The following ABCD3 variants were observed in gnomAD, a reference collection of about 807,000 sequenced individuals.
ABCD3 encodes the protein ATP binding cassette subfamily D member 3.
A neutral mutation model predicts 105.5 loss-of-function variants in ABCD3; 41 were observed. That is an observed-to-expected ratio of 0.39 (90% CI 0.30 to 0.50). The LOEUF (loss-of-function observed/expected upper bound fraction) is 0.50, where lower values mean the gene tolerates loss of function less well. Ranked by LOEUF, ABCD3 falls within the 20% of genes least tolerant of loss-of-function variation. ABCD3 has a pLI of 0.84. For synonymous variants in ABCD3, 258 were observed against 269.0 expected (o/e 0.96, Z 0.40); for missense variants, 622 against 806.3 (o/e 0.77, Z 2.77).
chr1:94,418,386 C>T, upstream of ABCD3: 13 of 1,162,194 alleles, frequency 1.1e-5, no homozygotes, highest in South Asian at 1.6e-4. Flanking sequence ...CCTCTGCTCT[C>T]CTCCCAGTCT....
intron 2 of ABCD3, among the ~76,000 whole-genome samples, chr1:94,458,868 GT>G (rs1314601228): frequency 6.6e-6 from 1 of 151,742 alleles, no homozygotes; most frequent in Non-Finnish European, 1.5e-5. Flanking sequence ...GATGATATTA[GT>G]TTCCCCCCCT....
At chr1:94,467,815 A>T in intron 3 of ABCD3, 104 bp from the exon 4 acceptor site, 2 of 752,698 alleles carry the variant, frequency 2.7e-6, no homozygotes, top group Non-Finnish European at 4.7e-6. Flanking sequence ...ATTGAAACTT[A>T]CATAAAGCTT....
At chr1:94,427,796 AT>A (rs1352876514) in intron 1 of ABCD3, among the ~76,000 whole-genome samples, 1 of 152,224 alleles carries the variant, frequency 6.6e-6, no homozygotes, top group Non-Finnish European at 1.5e-5. Context: ...TTTTGGAAAG[AT>A]TTTTATGTAA....
chr1:94,501,483 G>T (rs1650099444), intron 20 of ABCD3, among the ~76,000 whole-genome samples: 1 of 152,166 alleles, frequency 6.6e-6, no homozygotes, highest in Admixed American at 6.6e-5. Context: ...ATTAGGTAAA[G>T]ATTATATATG....
At chr1:94,482,392 A>G (rs925641690) in intron 9 of ABCD3, 4 of 152,240 alleles carry the variant, frequency 2.6e-5, no homozygotes, top group Non-Finnish European at 4.4e-5. Context: ...AGACTTCTCT[A>G]TAAATATTTT....
chr1:94,491,585 G>A (rs1416996236), intron 16 of ABCD3, among the ~76,000 whole-genome samples: 12 of 152,062 alleles, frequency 7.9e-5, no homozygotes, highest in Non-Finnish European at 2.9e-5. Context: ...AACTTATGGT[G>A]TGGCTGGTAT....
the ABCD3 span, among the ~76,000 whole-genome samples, chr1:94,395,884 A>G: frequency 6.6e-6 from 1 of 151,944 alleles, no homozygotes; most frequent in African/African-American, 2.4e-5. Flanking sequence ...ACAGACAGAA[A>G]GAGAGAGACA....
intron 1 of ABCD3, among the ~76,000 whole-genome samples, chr1:94,431,622 G>T (rs1659686307): frequency 6.6e-6 from 1 of 152,078 alleles, no homozygotes; most frequent in African/African-American, 2.4e-5. Context: ...AGTACATGGT[G>T]CCATCATGGC....
intron 20 of ABCD3, among the ~76,000 whole-genome samples, chr1:94,500,288 A>AT (rs1557688961): frequency 6.6e-6 from 1 of 152,052 alleles, no homozygotes; most frequent in Non-Finnish European, 1.5e-5. Flanking sequence ...ACAAAAAAAA[A>AT]TTTAAAAATT....
intron 21 of ABCD3, chr1:94,514,929 A>T (rs1337265941): frequency 3.8e-6 from 2 of 530,430 alleles, no homozygotes; most frequent in Non-Finnish European, 6.7e-6. Flanking sequence ...AAAATAATAC[A>T]CTTAATGCCA....
intron 21 of ABCD3, among the ~76,000 whole-genome samples, chr1:94,511,936 A>T (rs1256616943): frequency 3.3e-5 from 5 of 152,060 alleles, no homozygotes; most frequent in African/African-American, 1.2e-4. Flanking sequence ...CTTTGGTTTG[A>T]ATTTCCTCCC....
chr1:94,486,037 C>G (rs1342406692), intron 10 of ABCD3, among the ~76,000 whole-genome samples: 1 of 151,924 alleles, frequency 6.6e-6, no homozygotes, highest in South Asian at 2.1e-4. Context: ...ACTAAAAATA[C>G]AAAAATTAGC....
upstream of ABCD3, among the ~76,000 whole-genome samples, chr1:94,413,786 TA>T (rs991236439): frequency 1.3e-5 from 2 of 152,026 alleles, no homozygotes; most frequent in South Asian, 2.1e-4. Flanking sequence ...GGCAGGTCTC[TA>T]AAAAAAATTT....
At chr1:94,449,684 T>C (rs1660499301) in intron 1 of ABCD3, among the ~76,000 whole-genome samples, 1 of 152,254 alleles carries the variant, frequency 6.6e-6, no homozygotes, top group African/African-American at 2.4e-5. Context: ...GCAGAGGTGC[T>C]GCACAGTGAT....
chr1:94,425,484 T>G (rs1659434807), intron 1 of ABCD3, among the ~76,000 whole-genome samples: 1 of 152,224 alleles, frequency 6.6e-6, no homozygotes, highest in Admixed American at 6.5e-5. Flanking sequence ...TGGATTATAC[T>G]GGTGTATTTT....
At chr1:94,395,804 AGT>A in the ABCD3 span, among the ~76,000 whole-genome samples, 1 of 152,070 alleles carries the variant, frequency 6.6e-6, no homozygotes, top group Non-Finnish European at 1.5e-5. Context: ...ATGAGACTAC[AGT>A]GTGAGTGAGT....
intron 2 of ABCD3, among the ~76,000 whole-genome samples, chr1:94,460,104 T>C (rs1044041769): frequency 6.6e-6 from 1 of 152,176 alleles, no homozygotes; most frequent in Non-Finnish European, 1.5e-5. Context: ...AGAGATATGT[T>C]TTTATTTCTC....
intron 1 of ABCD3, among the ~76,000 whole-genome samples, chr1:94,419,930 T>A (rs1235549744): frequency 6.6e-6 from 1 of 152,200 alleles, no homozygotes; most frequent in Non-Finnish European, 1.5e-5. Context: ...TTGTATGAAC[T>A]CCCAGTTGCA....
At chr1:94,490,122 G>A (rs942543349) in intron 15 of ABCD3, 147 bp downstream of exon 15, 1 of 692,074 alleles carries the variant, frequency 1.4e-6, no homozygotes, top group Admixed American at 2.6e-5. Flanking sequence ...CCTAAAAATT[G>A]TGTATATTAA....
Sources: gnomAD v4.1 joint callset for allele counts (sites outside exome capture counted in the v4.1 genomes callset) on GRCh38, gnomAD v4.1.1 for gene constraint, MANE v1.5 for transcripts, NCBI Gene and HGNC (gene_info 2026-07-23, HGNC 2026-07-21) for gene names.